The following DLC1 variants were observed in gnomAD, a reference collection of about 807,000 sequenced individuals.
The protein encoded by DLC1 is DLC1 Rho GTPase activating protein.
A neutral mutation model predicts 140.3 loss-of-function variants in DLC1; 54 were observed. The ratio of observed to expected loss-of-function variants is 0.38; its 90% CI spans 0.31 to 0.48. The LOEUF is 0.48. Among genes scored for constraint, DLC1 ranks in the 20% least tolerant of loss-of-function variants. The probability of loss-of-function intolerance (pLI) is 0.96; values close to 1 mark genes in which losing one functional copy is unlikely to be tolerated. For synonymous variants in DLC1, 986 were observed against 728.1 expected (o/e 1.35, Z -5.70); for missense variants, 2,536 against 1,907.0 (o/e 1.33, Z -6.14).
chr8:13,542,609 C>T (rs1422304469), intron 1 of DLC1, among the ~76,000 whole-genome samples: 2 of 151,576 alleles, frequency 1.3e-5, no homozygotes, highest in Non-Finnish European at 2.9e-5. Context: ...ACACTATTGA[C>T]CTTCTGATCA....
intron 2 of DLC1, among the ~76,000 whole-genome samples, chr8:13,475,718 A>C (rs1192678697): frequency 1.3e-5 from 2 of 152,190 alleles, no homozygotes; most frequent in Non-Finnish European, 2.9e-5. Flanking sequence ...AAATCCCTAG[A>C]AGAACATACT....
intron 2 of DLC1, among the ~76,000 whole-genome samples, chr8:13,450,692 G>C (rs988244373): frequency 1.3e-5 from 2 of 151,882 alleles, no homozygotes; most frequent in Admixed American, 1.3e-4. Context: ...AATAAGTCTT[G>C]CAAAATTAAC....
intron 2 of DLC1, among the ~76,000 whole-genome samples, chr8:13,443,657 CAAAA>C (rs11321891): frequency 3.0e-5 from 2 of 67,034 alleles, no homozygotes; most frequent in Non-Finnish European, 3.5e-5. Flanking sequence ...GACTCCGTCT[CAAAA>C]AAAAAAAAAA....
chr8:13,483,875 A>G (rs1041971951), intron 2 of DLC1, among the ~76,000 whole-genome samples: 1 of 152,108 alleles, frequency 6.6e-6, no homozygotes, highest in Non-Finnish European at 1.5e-5. Context: ...TGAGGTCAGG[A>G]GTTCGAGATC....
At chr8:13,542,210 C>G (rs1013900608) in intron 1 of DLC1, among the ~76,000 whole-genome samples, 10 of 151,954 alleles carry the variant, frequency 6.6e-5, no homozygotes, top group African/African-American at 2.4e-4. Flanking sequence ...ATATTTTGGC[C>G]TGTGTTCTAT....
intron 2 of DLC1, among the ~76,000 whole-genome samples, chr8:13,461,316 A>G (rs566223758): frequency 2.0e-5 from 3 of 152,342 alleles, no homozygotes; most frequent in Non-Finnish European, 4.4e-5. Context: ...AGATTTCTCC[A>G]TTTCTTTACA....
At chr8:13,295,942 G>GTTTTTTTTTTTT (rs71207138) in intron 5 of DLC1, among the ~76,000 whole-genome samples, 1 of 72,874 alleles carries the variant, frequency 1.4e-5, no homozygotes, top group Non-Finnish European at 2.4e-5. Flanking sequence ...AAGATTCTTT[G>GTTTTTTTTTTTT]TTTTTTTTTT....
intron 2 of DLC1, among the ~76,000 whole-genome samples, chr8:13,452,793 C>T (rs577445641): frequency 2.5e-4 from 38 of 152,266 alleles, no homozygotes; most frequent in South Asian, 2.5e-3. Context: ...CAATCATACA[C>T]GCTTGGTCAT....
At chr8:13,138,222 G>A (rs1198607477) in intron 5 of DLC1, among the ~76,000 whole-genome samples, 2 of 152,270 alleles carry the variant, frequency 1.3e-5, no homozygotes, top group South Asian at 2.1e-4. Context: ...GAACTGGGGG[G>A]TTCAGGACCC....
chr8:13,234,891 C>T lies in DLC1; in HGVS notation c.1348+70378G>A, dbSNP rs554458206. Among the ~76,000 whole-genome samples, 12 of 152,072 alleles carry T rather than the reference C, an allele frequency of 7.9e-5. No homozygotes were observed. The South Asian group carries it at 1.7e-3, about 21-fold the overall frequency. On this transcript the variant is annotated intron_variant, in intron 5 of 17. Coordinates refer to ENST00000276297, the MANE Select transcript of DLC1 (RefSeq NM_182643.3). The stretch of plus-strand genomic sequence containing the variant: ...AAACCAAAACAAAACAACTGATTTA[C>T]GAATCGTATTATTTTAAAAAGAAAC...
intron 2 of DLC1, among the ~76,000 whole-genome samples, chr8:13,451,400 A>C (rs989634553): frequency 6.6e-6 from 1 of 152,258 alleles, no homozygotes. Flanking sequence ...TAGTTATTTT[A>C]AAATGTACAA....
chr8:13,356,419 C>A (rs1834945225), intron 4 of DLC1, among the ~76,000 whole-genome samples: 1 of 152,146 alleles, frequency 6.6e-6, no homozygotes, highest in African/African-American at 2.4e-5. Flanking sequence ...GATACTTTAA[C>A]AAAATTGTCC....
intron 5 of DLC1, among the ~76,000 whole-genome samples, chr8:13,206,422 T>C (rs1368278839): frequency 2.6e-5 from 4 of 152,186 alleles, no homozygotes; most frequent in African/African-American, 9.6e-5. Flanking sequence ...TCTCGGCTTA[T>C]AGTATTTGCT....
chr8:13,197,579 G>A (rs769230413), intron 5 of DLC1, among the ~76,000 whole-genome samples: 4 of 151,832 alleles, frequency 2.6e-5, no homozygotes, highest in East Asian at 1.9e-4. Context: ...ATCTCCTGAC[G>A]TTGTGATCCT....
chr8:13,459,754 GA>G (rs1305576019), intron 2 of DLC1, among the ~76,000 whole-genome samples: 1 of 151,340 alleles, frequency 6.6e-6, no homozygotes, highest in African/African-American at 2.4e-5. Context: ...TTGATTTTTA[GA>G]AAAAAAAGGA....
At chr8:13,598,744 C>T (rs1226066105) in intron 1 of DLC1, among the ~76,000 whole-genome samples, 1 of 151,866 alleles carries the variant, frequency 6.6e-6, no homozygotes. Context: ...TCAATTTATG[C>T]ATTGGCCTTA....
intron 1 of DLC1, among the ~76,000 whole-genome samples, chr8:13,531,469 C>T (rs903425591): frequency 1.4e-4 from 22 of 152,118 alleles, no homozygotes; most frequent in African/African-American, 5.1e-4. Context: ...GCCTATAATC[C>T]CAGTTACTCA....
intron 1 of DLC1, among the ~76,000 whole-genome samples, chr8:13,509,328 A>G (rs1345124911): frequency 6.6e-6 from 1 of 152,210 alleles, no homozygotes; most frequent in Admixed American, 6.5e-5. Flanking sequence ...TTCCATAAGC[A>G]CAATTTTCAC....
At chr8:13,584,383 C>G (rs1669944774) in intron 1 of DLC1, 1 of 152,942 alleles carries the variant, frequency 6.5e-6, no homozygotes, top group South Asian at 2.1e-4. Context: ...TGGATGGACT[C>G]AGTGGGAAGC....
Sources: gnomAD v4.1 joint callset for allele counts (sites outside exome capture counted in the v4.1 genomes callset) on GRCh38, gnomAD v4.1.1 for gene constraint, MANE v1.5 for transcripts, NCBI Gene and HGNC (gene_info 2026-07-23, HGNC 2026-07-21) for gene names.